Variants in MYORG observed in about 807,000 individuals in gnomAD.
MYORG encodes myogenesis regulating glycosidase, also known as alpha-galactosidase MYORG.
MYORG carries 45 observed loss-of-function variants against 49.8 expected under a neutral mutation model. That is an observed-to-expected ratio of 0.90 (90% CI 0.71 to 1.16). The LOEUF (loss-of-function observed/expected upper bound fraction) is 1.16. Ranked by LOEUF, MYORG falls within the 50% of genes most tolerant of loss-of-function variation. The pLI is 0.00. For missense variants in MYORG, 1,110 were observed against 1,026.5 expected (o/e 1.08, Z -1.11); for synonymous variants, 552 against 462.9 (o/e 1.19, Z -2.47).
rs748408658 is a variant in MYORG, at chr9:34,371,151, G to T, written c.1793C>A (p.Ala598Glu). Residue 598 changes from alanine (A) to glutamate (E), a missense_variant, in exon 2 of 2, where the codon GCG becomes GAG. Ala to Glu is a moderately radical substitution (Grantham distance 107). Transcript: ENST00000297625. The part of the protein sequence containing the change: ...QFSIPPWRYD[A>E]EVVAIAQKFA... ...CTTCTGCGCGATGGCCACCACTTCC[G>T]CGTCGTAGCGCCAGGGCGGGATAGA... 1.9e-6 allele frequency: 3 copies of T among 1,608,430 alleles called. No individual in the cohort carries two copies. The highest frequency in any genetic ancestry group is 2.6e-6 in the Non-Finnish European group (3 of 1,176,436).
In MYORG at chr9:34,367,198, T is replaced by G. The variant is rs1189683496; in HGVS notation, c.*3601A>C. On this transcript the variant is annotated 3_prime_UTR_variant, in exon 2 of 2. Coordinates refer to ENST00000297625, the MANE Select transcript of MYORG (RefSeq NM_020702.5). ...ACCACCAGAACAGTATGGGAGAAAC[T>G]GCCCCTATGATTCAATTATCTCCCA... is the stretch of plus-strand genomic sequence containing the variant. 1.3e-5 allele frequency: 2 copies of G among 152,100 alleles called. No homozygotes were observed. Among genetic ancestry groups the G allele is most frequent in the East Asian group, 1.9e-4 (1 of 5,194 alleles). 9.4% of individuals were successfully genotyped at this position (152,100 alleles called of 1,614,324 possible). A position where few individuals can be genotyped will look rare whatever the true frequency, so the allele number is the denominator to read the frequency against.
Position 34,367,335 on chromosome 9 carries a change from A to C in MYORG, c.*3464T>G, listed in dbSNP as rs1820516213. ...CCCCTCCCAAATCTCATGTCCTCTCATTTAAAAATCAATCATGCCTTCCCA... is the reference window on the plus strand; with the variant it reads ...CCCCTCCCAAATCTCATGTCCTCTCCTTTAAAAATCAATCATGCCTTCCCA... On this transcript the variant is annotated 3_prime_UTR_variant, in exon 2 of 2. Coordinates refer to ENST00000297625, the MANE Select transcript of MYORG (RefSeq NM_020702.5). 6.6e-6 allele frequency: 1 copy of C among 152,148 alleles called. No individual in the cohort carries two copies. Among genetic ancestry groups the C allele is most frequent in the Non-Finnish European group, 1.5e-5 (1 of 68,022 alleles). 9.4% of individuals were successfully genotyped at this position (152,148 alleles called of 1,614,324 possible).
rs775768418 is a variant in MYORG, at chr9:34,370,907, G to A, written c.2037C>T (p.Ala679=). The A allele has an allele frequency of 7.4e-6, 12 of 1,613,220 alleles. No homozygotes were observed. Among genetic ancestry groups the A allele is most frequent in the Non-Finnish European group, 1.0e-5 (12 of 1,179,574 alleles). ...CACCCTTGTAGCTGCGCCACTTGCC[G>A]GCGGGCAAATAGACGTCGCGCTCCT... ...GKQERDVYLP[A]GKWRSYKGEL... The change falls in exon 2 of 2, where the codon GCC becomes GCT. Residue 679 remains alanine, a synonymous_variant. Coordinates refer to ENST00000297625, the MANE Select transcript of MYORG (RefSeq NM_020702.5).
intron 1 of MYORG, among the ~76,000 whole-genome samples, chr9:34,374,123 G>A (rs1019080885): frequency 2.0e-5 from 3 of 152,024 alleles, no homozygotes; most frequent in Non-Finnish European, 4.4e-5. Context: ...CTACTTCCTC[G>A]CTCTGTTTCA....
At position 34,372,268 on chromosome 9, in the gene MYORG, C is replaced by T. The variant is rs1160781841; in HGVS notation, c.676G>A (p.Glu226Lys). 1 of 1,610,664 alleles carries T rather than the reference C, an allele frequency of 6.2e-7. No homozygotes were observed. The highest frequency in any genetic ancestry group is 8.5e-7 in the Non-Finnish European group (1 of 1,178,930). Residue 226 changes from glutamate to lysine, a missense_variant, in exon 2 of 2, where the codon GAG (glutamate) becomes AAG (lysine). Glu to Lys is a moderately conservative substitution (Grantham distance 56). Transcript: ENST00000297625. ...SSDAAFGGIL[E>K]RYWLSSRAAA... The stretch of plus-strand genomic sequence containing the variant: ...GCGCGCGAAGATAGCCAGTAGCGCT[C>T]GAGGATGCCCCCAAACGCGGCGTCG...
rs773850177 is a variant in MYORG at position 34,371,271 on chromosome 9, G to A, written c.1673C>T (p.Ala558Val). The change falls in exon 2 of 2, where the codon GCC becomes GTC. Residue 558 changes from alanine (A) to valine (V), a missense_variant. Physicochemically the swap from Ala to Val is moderately conservative, Grantham distance 64. Transcript: ENST00000297625. ...FILPDMVGGN[A>V]VPQRTAGGDV... ...GCCGCCGGCTGTCCGCTGGGGCACG[G>A]CGTTGCCGCCCACCATATCGGGTAG... The A allele has an allele frequency of 3.5e-5, 56 of 1,609,070 alleles. No individual in the cohort carries two copies. The highest frequency in any genetic ancestry group is 4.7e-5 in the Non-Finnish European group (55 of 1,178,230).
Position 34,369,071 on chromosome 9 carries a change from T to A in MYORG, c.*1728A>T, listed in dbSNP as rs752518438. 2 of 152,120 alleles carry A rather than the reference T, an allele frequency of 1.3e-5. No individual in the cohort carries two copies. The highest frequency in any genetic ancestry group is 2.9e-5 in the Non-Finnish European group (2 of 68,026). The allele number at this position is 152,120 out of a possible 1,614,324, so 9.4% of individuals were successfully genotyped here. A position where few individuals can be genotyped will look rare whatever the true frequency, so the allele number is the denominator to read the frequency against. On this transcript the variant is annotated 3_prime_UTR_variant, in exon 2 of 2. Transcript: ENST00000297625. ...TATAAAATCATCAGCTCTCATGAGATCTATTCACTATCACCAGAACAGTAT... is the reference window on the plus strand; with the variant it reads ...TATAAAATCATCAGCTCTCATGAGAACTATTCACTATCACCAGAACAGTAT...
In MYORG at chr9:34,368,502, C is replaced by T. The variant is rs563316079; in HGVS notation, c.*2297G>A. ...ATGCTTTGCTGCTTAGAAATTTCTTCTGCCAGATACCCTAAATCATCTCCC... is the reference window on the plus strand; with the variant it reads ...ATGCTTTGCTGCTTAGAAATTTCTTTTGCCAGATACCCTAAATCATCTCCC... On this transcript the variant is annotated 3_prime_UTR_variant, in exon 2 of 2. Coordinates refer to ENST00000297625, the MANE Select transcript of MYORG (RefSeq NM_020702.5). 2.6e-5 allele frequency: 4 copies of T among 152,510 alleles called. No homozygotes were observed. In the East Asian group the frequency reaches 7.7e-4, roughly 29 times the overall value. The allele number at this position is 152,510 out of a possible 1,614,324, so 9.4% of individuals were successfully genotyped here.
rs1820710997 is a variant in MYORG, at chr9:34,376,014, C to T, written c.-64+779G>A. ...CTGGATCTAAAATCCCAGCCCAGCT[C>T]TCCACAGTGTAAGTTTTAGGAGATG... On this transcript the variant is annotated intron_variant, in intron 1 of 1. Coordinates refer to ENST00000297625, the MANE Select transcript of MYORG (RefSeq NM_020702.5). The surrounding 1 kb of genome is among the most constrained non-coding windows in gnomAD (Gnocchi z 4.4). 6.6e-6 allele frequency among the ~76,000 whole-genome samples: 1 copy of T among 152,220 alleles called. No individual in the cohort carries two copies. Among genetic ancestry groups the T allele is most frequent in the Non-Finnish European group, 1.5e-5 (1 of 68,044 alleles).
intron 1 of MYORG, among the ~76,000 whole-genome samples, chr9:34,373,820 A>G (rs1341551510): frequency 6.6e-6 from 1 of 152,162 alleles, no homozygotes; most frequent in Non-Finnish European, 1.5e-5. Flanking sequence ...GGAGGGAGGA[A>G]GGGAGAACAG....
chr9:34,372,427 C>G lies in MYORG; in HGVS notation c.517G>C (p.Glu173Gln). Residue 173 changes from glutamate (E) to glutamine (Q), a missense_variant, in exon 2 of 2, where the codon GAG becomes CAG. Physicochemically the swap from Glu to Gln is conservative, Grantham distance 29. Transcript: ENST00000297625. ...GCGTCGCCCAAGAACATGGCGTGCT[C>G]CACGGCCCGGCCCGGCGCTGCCTCC... Reference protein sequence around the residue: ...WEEAAPGRAVEHAMFLGDAAA... With the variant: ...WEEAAPGRAVQHAMFLGDAAA... The G allele has an allele frequency of 6.3e-7, 1 of 1,581,420 alleles. No homozygotes were observed. The highest frequency in any genetic ancestry group is 8.6e-7 in the Non-Finnish European group (1 of 1,164,854).
At position 34,372,907 on chromosome 9, in the gene MYORG, G is replaced by C. The variant is rs1480772810; in HGVS notation, c.37C>G (p.Pro13Ala). 1.9e-6 allele frequency: 3 copies of C among 1,613,732 alleles called. No homozygotes were observed. The highest frequency in any genetic ancestry group is 1.1e-5 in the South Asian group (1 of 91,068). Reference protein sequence around the residue: ...QNPQEKSQAYPRRRRPGCYAY... With the variant: ...QNPQEKSQAYARRRRPGCYAY... ...TAGCAGCCAGGCCGGCGGCGGCGGG[G>C]GTAGGCCTGGCTCTTCTCCTGAGGG... The change falls in exon 2 of 2, where the codon CCC (proline) becomes GCC (alanine). Residue 13 changes from proline to alanine, a missense_variant. Transcript: ENST00000297625.
In MYORG at chr9:34,371,806, G is replaced by A. The variant is rs757716922; in HGVS notation, c.1138C>T (p.Leu380=). The A allele has an allele frequency of 1.5e-5, 24 of 1,613,994 alleles. No homozygotes were observed. In the South Asian group the frequency reaches 2.6e-4, roughly 18 times the overall value. ...GTGACGCGGAAGCCGGCGTCGCGCA[G>A]GCGGCGGAACATGTCGCTGGCGTTG... The part of the protein sequence containing the change: ...FPNASDMFRR[L]RDAGFRVTLW... The change falls in exon 2 of 2, where the codon CTG becomes TTG. Residue 380 remains leucine, a synonymous_variant. Coordinates refer to ENST00000297625, the MANE Select transcript of MYORG (RefSeq NM_020702.5).
chr9:34,372,458 G>C lies in MYORG; in HGVS notation c.486C>G (p.Arg162=), dbSNP rs1563982632. Residue 162 remains arginine, a synonymous_variant, in exon 2 of 2, where the codon CGC becomes CGG. Transcript: ENST00000297625. ...PKDTVMCYRV[R]WEEAAPGRAV... ...CCCGGCCCGGCGCTGCCTCCTCCCA[G>C]CGCACGCGGTAGCACATGACCGTGT... 1 of 1,588,310 alleles carries C rather than the reference G, an allele frequency of 6.3e-7. No individual in the cohort carries two copies. The highest frequency in any genetic ancestry group is 8.6e-7 in the Non-Finnish European group (1 of 1,168,642).
intron 1 of MYORG, among the ~76,000 whole-genome samples, chr9:34,374,993 G>A (rs868829507): frequency 3.3e-5 from 5 of 151,716 alleles, no homozygotes; most frequent in African/African-American, 9.7e-5. Context: ...GCCACTGACC[G>A]TTCCTGTCCC....
rs759578114 is a variant in MYORG, at chr9:34,371,651, C to G, written c.1293G>C (p.Ala431=). Residue 431 remains alanine (A), a synonymous_variant, in exon 2 of 2, where the codon GCG becomes GCC. Coordinates refer to ENST00000297625, the MANE Select transcript of MYORG (RefSeq NM_020702.5). ...CCTTTGGGTGCGTGAAGTCTAGCAC[C>G]GCGCCGATGCCGTTCCACCAGCGCA... ...ALVRWWNGIG[A]VLDFTHPKAR... The G allele has an allele frequency of 3.7e-6, 6 of 1,605,702 alleles. No homozygotes were observed. The highest frequency in any genetic ancestry group is 5.1e-6 in the Non-Finnish European group (6 of 1,176,704).
rs767719053 is a variant in MYORG at position 34,372,322 on chromosome 9, G to T, written c.622C>A (p.Pro208Thr). 1 of 1,606,848 alleles carries T rather than the reference G, an allele frequency of 6.2e-7. No individual in the cohort carries two copies. Reference protein sequence around the residue: ...IRLDGQQEPQPFVTSDVYSSD... With the variant: ...IRLDGQQEPQTFVTSDVYSSD... ...GAGTAGACATCGCTGGTGACGAACG[G>T]CTGGGGCTCCTGCTGGCCATCCAGG... Residue 208 changes from proline to threonine, a missense_variant, in exon 2 of 2, where the codon CCG becomes ACG. Transcript: ENST00000297625.
Position 34,376,891 on chromosome 9 carries a change from C to A in MYORG, c.-162G>T, listed in dbSNP as rs1256794042. 2.0e-5 allele frequency: 3 copies of A among 152,292 alleles called. No individual in the cohort carries two copies. The highest frequency in any genetic ancestry group is 2.1e-4 in the South Asian group (1 of 4,836). 9.4% of individuals were successfully genotyped at this position (152,292 alleles called of 1,614,324 possible). Reference sequence around the variant, plus strand: ...GAAGCTGCCGCCGCGCCGCGCGGGGCTCTGTCTGGCAGGGCACAGCCCCTC... The same window carrying A: ...GAAGCTGCCGCCGCGCCGCGCGGGGATCTGTCTGGCAGGGCACAGCCCCTC... On this transcript the variant is annotated 5_prime_UTR_variant, in exon 1 of 2. Transcript: ENST00000297625. This position sits in a 1 kb window ranked among gnomAD's most constrained non-coding sequence, Gnocchi z 4.4.
chr9:34,372,624 C>A lies in MYORG; in HGVS notation c.320G>T (p.Gly107Val). 5.0e-6 allele frequency: 8 copies of A among 1,606,284 alleles called. No individual in the cohort carries two copies. The highest frequency in any genetic ancestry group is 2.2e-5 in the East Asian group (1 of 44,592). ...AGGFSIRNQKGEQVFRLAFRS... is the reference protein window; with the variant it reads ...AGGFSIRNQKVEQVFRLAFRS... ...GAAGGCCAGGCGGAAGACCTGCTCT[C>A]CCTTCTGATTGCGGATGGAGAAGCC... Residue 107 changes from glycine to valine, a missense_variant, in exon 2 of 2, where the codon GGA becomes GTA. Transcript: ENST00000297625.
Sources: gnomAD v4.1 joint callset for allele counts (sites outside exome capture counted in the v4.1 genomes callset) on GRCh38, gnomAD v4.1.1 for gene constraint, Gnocchi (gnomAD v3.1) non-coding constraint, MANE v1.5 for transcripts, NCBI Gene and HGNC (gene_info 2026-07-23, HGNC 2026-07-21) for gene names.